The following SHANK2 variants were observed in gnomAD, a reference collection of about 807,000 sequenced individuals.
SHANK2 encodes SH3 and multiple ankyrin repeat domains 2, also known as SH3 and multiple ankyrin repeat domains protein 2.
SHANK2 carries 43 observed loss-of-function variants against 133.7 expected under a neutral mutation model. The observed-to-expected ratio is 0.32, with a 90% CI of 0.25 to 0.41. The LOEUF is 0.41. Among genes scored for constraint, SHANK2 ranks in the 10% least tolerant of loss-of-function variants. SHANK2 has a pLI of 1.00. For synonymous variants in SHANK2, 1,017 were observed against 952.8 expected, an observed-to-expected ratio of 1.07 and a Z score of -1.24; for missense variants, 1,994 against 2,235.8, an observed-to-expected ratio of 0.89 and a Z score of 2.18.
At chr11:70,844,672 C>T (rs1344119919) in intron 11 of SHANK2, among the ~76,000 whole-genome samples, 1 of 152,220 alleles carries the variant, frequency 6.6e-6, no homozygotes, top group African/African-American at 2.4e-5. Context: ...CAGGGATTAT[C>T]TCAGTCCAGC....
Position 70,830,864 on chromosome 11 carries a change from A to G in SHANK2, c.1175-10182T>C, listed in dbSNP as rs144847184. On this transcript the variant is annotated intron_variant, in intron 11 of 25. Coordinates refer to ENST00000601538, the MANE Select transcript of SHANK2 (RefSeq NM_012309.5). This position sits in a 1 kb window ranked among gnomAD's most constrained non-coding sequence, Gnocchi z 4.4. ...GGGAAGGGTCAGACATCCCTGCTGC[A>G]CCCACATAGGTTTCCACGCATTGGA... Among the ~76,000 whole-genome samples the G allele has an allele frequency of 1.2e-3, 190 of 152,286 alleles. 3 individuals carry two copies. In the East Asian group the frequency reaches 0.03, roughly 24 times the overall value.
Position 70,578,673 on chromosome 11 carries a change from G to A in SHANK2, c.2062-75742C>T, listed in dbSNP as rs151325133. On this transcript the variant is annotated intron_variant, in intron 17 of 25. Transcript: ENST00000601538. ...ACACCATCATGAACCAGCCAGGTGC[G>A]TGACCTCATGCTTGGTGTCATCGAA... 7.0e-3 allele frequency among the ~76,000 whole-genome samples: 1,071 copies of A among 152,270 alleles called. 3 individuals carry two copies. The highest frequency in any genetic ancestry group is 0.01 in the Middle Eastern group (3 of 294).
chr11:70,773,434 C>G (rs1467039573), intron 14 of SHANK2, among the ~76,000 whole-genome samples: 2 of 152,184 alleles, frequency 1.3e-5, no homozygotes, highest in Admixed American at 1.3e-4. Context: ...TTGGAAGGAT[C>G]TTTTCAATTC....
At chr11:70,770,128 T>C (rs1947215538) in intron 14 of SHANK2, among the ~76,000 whole-genome samples, 1 of 152,210 alleles carries the variant, frequency 6.6e-6, no homozygotes, top group Non-Finnish European at 1.5e-5. Flanking sequence ...AATACCCTTC[T>C]CAGCTGAGTA....
intron 11 of SHANK2, among the ~76,000 whole-genome samples, chr11:70,879,576 C>T (rs557945818): frequency 2.6e-5 from 4 of 152,326 alleles, no homozygotes; most frequent in South Asian, 2.1e-4. Flanking sequence ...TTTGGTCAAA[C>T]GCTTTTTCTT....
chr11:70,720,221 A>T (rs1390786853), intron 14 of SHANK2, among the ~76,000 whole-genome samples: 6 of 152,242 alleles, frequency 3.9e-5, no homozygotes, highest in Non-Finnish European at 7.3e-5. Flanking sequence ...ACACGTGCTT[A>T]TAAACTGTAG....
rs781945846 is a variant in SHANK2, at chr11:70,486,704, C to T, written c.3589G>A (p.Gly1197Ser). The T allele has an allele frequency of 8.1e-6, 13 of 1,610,406 alleles. No homozygotes were observed. The highest frequency in any genetic ancestry group is 1.1e-5 in the South Asian group (1 of 91,068). Residue 1197 changes from glycine (G) to serine (S), a missense_variant, in exon 25 of 26, where the codon GGC becomes AGC. By Grantham distance (56) the Gly-to-Ser change is moderately conservative. Transcript: ENST00000601538. This position sits in a 1 kb window ranked among gnomAD's most constrained non-coding sequence, Gnocchi z 8.0. ...AVPSASSGTA[G>S]PGNYVHPLTG... is the part of the protein sequence containing the mutation. ...AGTGGGTGGACATAATTCCCGGGGC[C>T]GGCTGTGCCGCTGCTCGCGGAGGGC... is the stretch of plus-strand genomic sequence containing the variant.
At chr11:70,537,811 C>T (rs1238392397) in intron 17 of SHANK2, among the ~76,000 whole-genome samples, 4 of 152,194 alleles carry the variant, frequency 2.6e-5, no homozygotes, top group Non-Finnish European at 5.9e-5. Flanking sequence ...GCAACAGGGA[C>T]CGTGTGTGCG....
intron 11 of SHANK2, among the ~76,000 whole-genome samples, chr11:70,873,975 C>T (rs1282524637): frequency 6.6e-6 from 1 of 152,170 alleles, no homozygotes; most frequent in African/African-American, 2.4e-5. Flanking sequence ...CTGGGGGCAG[C>T]ATCCCAATGC....
chr11:71,168,644 G>C (rs190115371), intron 2 of SHANK2, among the ~76,000 whole-genome samples: 5 of 152,182 alleles, frequency 3.3e-5, no homozygotes, highest in Admixed American at 2.0e-4. Context: ...CCAACACAGC[G>C]AAACCCTGTC....
chr11:70,483,299 A>C (rs1054694763), intron 25 of SHANK2, among the ~76,000 whole-genome samples: 6 of 152,176 alleles, frequency 3.9e-5, no homozygotes, highest in African/African-American at 1.4e-4. Flanking sequence ...TGTTTTGTAA[A>C]AATGTGAAAC....
rs782253506 is a variant in SHANK2, at chr11:70,485,580, ATCT to A, written c.4710_4712del (p.Glu1570del). 19 of 1,613,688 alleles carry A rather than the reference ATCT, an allele frequency of 1.2e-5. 1 individual carries two copies. The highest frequency in any genetic ancestry group is 1.6e-4 in the Middle Eastern group (1 of 6,062). ...GCGGGGGGATAACAAAGCTATCTAC[ATCT>A]TCTTCCACGAGCGCGTCTTGATAAA... is the stretch of plus-strand genomic sequence containing the variant. On this transcript the variant is annotated inframe_deletion, in exon 25 of 26. Coordinates refer to ENST00000601538, the MANE Select transcript of SHANK2 (RefSeq NM_012309.5). This position sits in a 1 kb window ranked among gnomAD's most constrained non-coding sequence, Gnocchi z 5.8.
chr11:70,530,975 G>T (rs192737634), intron 17 of SHANK2, among the ~76,000 whole-genome samples: 12 of 151,900 alleles, frequency 7.9e-5, no homozygotes, highest in Middle Eastern at 3.4e-3. Flanking sequence ...AGACCAGTCT[G>T]GACAACATAG....
chr11:70,667,177 G>A (rs1316471101), intron 15 of SHANK2, among the ~76,000 whole-genome samples: 1 of 152,150 alleles, frequency 6.6e-6, no homozygotes, highest in Non-Finnish European at 1.5e-5. Context: ...CAAAGATGGG[G>A]TCTAGGCTGC....
intron 11 of SHANK2, among the ~76,000 whole-genome samples, chr11:70,829,640 A>G (rs1395390153): frequency 1.3e-5 from 2 of 151,794 alleles, no homozygotes; most frequent in South Asian, 2.1e-4. Context: ...GAGGCTTTGG[A>G]CACAAGACGA....
In SHANK2 at chr11:70,830,257, G is replaced by A. The variant is rs540184203; in HGVS notation, c.1175-9575C>T. On this transcript the variant is annotated intron_variant, in intron 11 of 25. Coordinates refer to ENST00000601538, the MANE Select transcript of SHANK2 (RefSeq NM_012309.5). The surrounding 1 kb of genome is among the most constrained non-coding windows in gnomAD (Gnocchi z 4.4). ...AACATCAGCATTCCTCCTGCCCCTC[G>A]TTTTATGAGCATGTCCGTGGCCTGA... 1.3e-5 allele frequency among the ~76,000 whole-genome samples: 2 copies of A among 152,282 alleles called. No homozygotes were observed. Among genetic ancestry groups the A allele is most frequent in the African/African-American group, 2.4e-5 (1 of 41,546 alleles).
chr11:70,561,044 T>C (rs1227897465), intron 17 of SHANK2, among the ~76,000 whole-genome samples: 1 of 152,234 alleles, frequency 6.6e-6, no homozygotes, highest in Non-Finnish European at 1.5e-5. Context: ...GGGTTTTTGA[T>C]AAAGGGCAAA....
chr11:70,555,988 G>T (rs2059823563), intron 17 of SHANK2, among the ~76,000 whole-genome samples: 1 of 152,220 alleles, frequency 6.6e-6, no homozygotes, highest in Admixed American at 6.5e-5. Context: ...AAGGAAAGAA[G>T]CCATATCCAT....
intron 17 of SHANK2, among the ~76,000 whole-genome samples, chr11:70,576,787 C>T (rs2060121376): frequency 6.6e-6 from 1 of 152,216 alleles, no homozygotes; most frequent in Non-Finnish European, 1.5e-5. Flanking sequence ...ACGAAAGCCC[C>T]TGCAAACAGG....
Sources: allele counts gnomAD v4.1 joint callset (sites outside exome capture counted in the v4.1 genomes callset), GRCh38; gene constraint gnomAD v4.1.1; non-coding constraint Gnocchi (gnomAD v3.1); transcripts MANE v1.5; gene names NCBI Gene and HGNC (gene_info 2026-07-23, HGNC 2026-07-21).